Variants in MCTP1 observed in about 807,000 individuals in gnomAD.
MCTP1 encodes the protein multiple C2 and transmembrane domain containing 1.
A neutral mutation model predicts 120.6 loss-of-function variants in MCTP1; 69 were observed. That is an observed-to-expected ratio of 0.57 (90% confidence interval 0.47 to 0.70). The LOEUF is 0.70. MCTP1 is among the 30% of genes least tolerant of loss of function. MCTP1 has a pLI of 0.00. For missense variants in MCTP1, 1,203 were observed against 1,248.8 expected (o/e 0.96, Z 0.55); for synonymous variants, 529 against 493.1 (o/e 1.07, Z -0.96).
chr5:94,853,747 C>T (rs1335308715), intron 17 of MCTP1, among the ~76,000 whole-genome samples: 2 of 151,916 alleles, frequency 1.3e-5, no homozygotes, highest in Admixed American at 1.3e-4. Flanking sequence ...TCAATTAAAA[C>T]CTTTTACACC....
intron 1 of MCTP1, among the ~76,000 whole-genome samples, chr5:95,247,592 C>A (rs1756945539): frequency 6.6e-6 from 1 of 152,124 alleles, no homozygotes; most frequent in South Asian, 2.1e-4. Flanking sequence ...TACATTGTGT[C>A]TTTGTTCTCA....
At chr5:94,823,573 C>CTG (rs771974722) in intron 17 of MCTP1, among the ~76,000 whole-genome samples, 1 of 152,104 alleles carries the variant, frequency 6.6e-6, no homozygotes, top group Admixed American at 6.6e-5. Context: ...TTTTCTAATT[C>CTG]TGTGAAGAAA....
At chr5:95,224,933 T>C (rs923820955) in intron 1 of MCTP1, among the ~76,000 whole-genome samples, 3 of 152,150 alleles carry the variant, frequency 2.0e-5, no homozygotes, top group Admixed American at 2.0e-4. Context: ...TTTTTCAGCC[T>C]CTCTGCCATG....
intron 7 of MCTP1, among the ~76,000 whole-genome samples, chr5:94,920,187 G>GT (rs1811185492): frequency 6.6e-6 from 1 of 150,856 alleles, no homozygotes; most frequent in Non-Finnish European, 1.5e-5. Flanking sequence ...TATTGTAATC[G>GT]TTTTGGCTTG....
intron 1 of MCTP1, among the ~76,000 whole-genome samples, chr5:95,114,611 G>A (rs567662730): frequency 2.6e-5 from 4 of 152,340 alleles, no homozygotes; most frequent in Non-Finnish European, 5.9e-5. Flanking sequence ...GCGTGTTGTT[G>A]TTTGAGTATG....
At chr5:94,790,300 C>T (rs141774396) in intron 18 of MCTP1, among the ~76,000 whole-genome samples, 2 of 152,252 alleles carry the variant, frequency 1.3e-5, no homozygotes, top group East Asian at 1.9e-4. Flanking sequence ...CAATGGGAGG[C>T]CCAGGGAAGG....
intron 10 of MCTP1, among the ~76,000 whole-genome samples, chr5:94,897,376 A>C (rs868580627): frequency 6.6e-6 from 1 of 151,540 alleles, no homozygotes; most frequent in African/African-American, 2.4e-5. Flanking sequence ...GGACTTTTTG[A>C]GACAGAGTCT....
intron 1 of MCTP1, among the ~76,000 whole-genome samples, chr5:95,092,740 C>T (rs1045323426): frequency 2.6e-5 from 4 of 151,960 alleles, no homozygotes; most frequent in Non-Finnish European, 4.4e-5. Flanking sequence ...TGTGAATATA[C>T]CATTTTCAAA....
intron 19 of MCTP1, among the ~76,000 whole-genome samples, chr5:94,732,532 T>A (rs1277491198): frequency 1.3e-5 from 2 of 152,186 alleles, no homozygotes; most frequent in East Asian, 3.8e-4. Context: ...AGTCAAATCA[T>A]CCTGGTGCTA....
intron 2 of MCTP1, among the ~76,000 whole-genome samples, chr5:94,999,465 T>C (rs1028786108): frequency 6.6e-6 from 1 of 152,200 alleles, no homozygotes; most frequent in African/African-American, 2.4e-5. Context: ...GCAAAGTCTA[T>C]GCACATGATG....
intron 6 of MCTP1, chr5:94,931,258 G>A (rs1561877687): frequency 6.6e-6 from 1 of 152,092 alleles, no homozygotes; most frequent in Non-Finnish European, 1.5e-5. Flanking sequence ...ACTCTAAGTA[G>A]AAATTTGAGC....
intron 2 of MCTP1, among the ~76,000 whole-genome samples, chr5:94,998,521 C>G (rs1049135784): frequency 6.6e-6 from 1 of 152,188 alleles, no homozygotes; most frequent in African/African-American, 2.4e-5. Context: ...TTTATATGCT[C>G]TTCACACTTT....
chr5:95,082,124 A>G (rs1355963556), intron 1 of MCTP1, among the ~76,000 whole-genome samples: 1 of 152,190 alleles, frequency 6.6e-6, no homozygotes, highest in East Asian at 1.9e-4. Context: ...TCCTTCACTA[A>G]GTAGAGAATG....
At chr5:95,059,318 C>A (rs1258499310) in intron 1 of MCTP1, among the ~76,000 whole-genome samples, 2 of 151,858 alleles carry the variant, frequency 1.3e-5, no homozygotes, top group Admixed American at 6.6e-5. Flanking sequence ...GAACAAAAAA[C>A]CAAGTATTGC....
At chr5:94,724,519 T>G (rs1251820295) in intron 19 of MCTP1, among the ~76,000 whole-genome samples, 2 of 151,796 alleles carry the variant, frequency 1.3e-5, no homozygotes, top group Non-Finnish European at 2.9e-5. Context: ...CCCAAAGTGC[T>G]AGGATTACAG....
chr5:94,999,662 A>T (rs565735924), intron 2 of MCTP1, among the ~76,000 whole-genome samples: 22 of 152,340 alleles, frequency 1.4e-4, no homozygotes, highest in Non-Finnish European at 7.4e-5. Context: ...TGTCATCATA[A>T]TAATGGAAGA....
intron 1 of MCTP1, among the ~76,000 whole-genome samples, chr5:95,168,051 C>T (rs1434423634): frequency 1.3e-5 from 2 of 152,118 alleles, no homozygotes; most frequent in Admixed American, 6.6e-5. Flanking sequence ...AGTCTTTAAT[C>T]CATCTTGAAT....
At chr5:95,153,719 G>A (rs1019412454) in intron 1 of MCTP1, among the ~76,000 whole-genome samples, 2 of 152,318 alleles carry the variant, frequency 1.3e-5, no homozygotes, top group African/African-American at 4.8e-5. Flanking sequence ...GTTTTGTGGT[G>A]CTGTCTCCGA....
chr5:95,200,717 T>A (rs557557651), intron 1 of MCTP1, among the ~76,000 whole-genome samples: 1 of 152,316 alleles, frequency 6.6e-6, no homozygotes, highest in East Asian at 1.9e-4. Context: ...GTAATAAGTT[T>A]AAGGGATCTA....
Sources: allele counts gnomAD v4.1 joint callset (sites outside exome capture counted in the v4.1 genomes callset), GRCh38; gene constraint gnomAD v4.1.1; transcripts MANE v1.5; gene names NCBI Gene and HGNC (gene_info 2026-07-23, HGNC 2026-07-21).